NBN: variants seen among roughly 807,000 people sequenced by gnomAD.
NBN encodes nibrin.
Under a neutral mutation model 90.8 loss-of-function variants are expected in NBN, and 88 were observed. That is an observed-to-expected ratio of 0.97 (90% CI 0.82 to 1.16). NBN has a LOEUF of 1.16. Among genes scored for constraint, NBN ranks in the 50% most tolerant of loss-of-function variants. The pLI is 0.00. For missense variants in NBN, 894 were observed against 869.6 expected (o/e 1.03, Z -0.35); for synonymous variants, 328 against 295.1 (o/e 1.11, Z -1.14).
chr8:89,940,980 A>G (rs7813347), intron 14 of NBN, among the ~76,000 whole-genome samples: 1,641 of 152,306 alleles, frequency 0.011, 30 homozygotes, highest in African/African-American at 0.036. Context: ...GCCTAAGGTC[A>G]CATACTTGGT....
chr8:89,965,407 A>G (rs13312888), intron 7 of NBN, among the ~76,000 whole-genome samples: 44 of 152,226 alleles, frequency 2.9e-4, no homozygotes, highest in Non-Finnish European at 6.0e-4. Context: ...AAAAACAAAA[A>G]TACACCATTT....
intron 4 of NBN, among the ~76,000 whole-genome samples, chr8:89,980,427 G>A (rs1320065209): frequency 6.6e-6 from 1 of 151,870 alleles, no homozygotes; most frequent in Admixed American, 6.6e-5. Context: ...GTTGCTTTAA[G>A]ACTGAAAACA....
chr8:89,960,369 G>A (rs909995490), intron 8 of NBN, among the ~76,000 whole-genome samples: 18 of 152,194 alleles, frequency 1.2e-4, no homozygotes, highest in African/African-American at 4.1e-4. Context: ...ATAATTTAAT[G>A]TAGGCTCGGT....
Position 89,953,549 on chromosome 8 carries a change from C to T in NBN, c.1540G>A (p.Val514Met), listed in dbSNP as rs2129701484. 6.2e-7 allele frequency: 1 copy of T among 1,613,840 alleles called. No individual in the cohort carries two copies. Among genetic ancestry groups the T allele is most frequent in the South Asian group, 1.1e-5 (1 of 91,072 alleles). The change falls in exon 11 of 16, where the codon GTG becomes ATG. Residue 514 changes from valine to methionine, a missense_variant. Transcript: ENST00000265433. ...KEQHLSENEP[V>M]DTNSDNNLFT... ...AAGTTATTGTCTGAGTTTGTGTCCA[C>T]AGGCTCATTCTCAGATAGATGCTGC...
intron 3 of NBN, among the ~76,000 whole-genome samples, chr8:89,981,117 A>T (rs73696850): frequency 2.0e-5 from 3 of 152,154 alleles, no homozygotes; most frequent in Non-Finnish European, 4.4e-5. Flanking sequence ...AAAAACAATG[A>T]CCAAAAGTTA....
intron 4 of NBN, among the ~76,000 whole-genome samples, chr8:89,980,100 A>G (rs13312860): frequency 0.023 from 3,444 of 152,330 alleles, 127 homozygotes; most frequent in African/African-American, 0.077. Flanking sequence ...ATGTGCAAAA[A>G]TAAAAAAACC....
rs1805824 is a variant in NBN, at chr8:89,964,678, G to A, written c.897-171C>T. 7,792 of 193,106 alleles carry A rather than the reference G, an allele frequency of 0.04. 303 individuals carry two copies. The highest frequency in any genetic ancestry group is 0.19 in the East Asian group (995 of 5,324). 12.0% of individuals were successfully genotyped at this position (193,106 alleles called of 1,614,324 possible). ...AGCTTACTCGCTGGGGCACTGTTAC[G>A]TTGACAAGTCTACCATCTTTTAGTA... On this transcript the variant is annotated intron_variant, in intron 7 of 15. Coordinates refer to ENST00000265433, the MANE Select transcript of NBN (RefSeq NM_002485.5).
intron 5 of NBN, 82 bp from the exon 6 acceptor site, chr8:89,971,372 T>A (rs1425541279): frequency 1.4e-6 from 2 of 1,443,202 alleles, no homozygotes; most frequent in East Asian, 5.2e-5. Flanking sequence ...TATCTGACAC[T>A]CAAAAGGCAT....
chr8:89,982,415 C>A, intron 2 of NBN: 1 of 395,572 alleles, frequency 2.5e-6, no homozygotes, highest in Non-Finnish European at 4.7e-6. Context: ...ATTACTTTTG[C>A]ACCAAACTAA....
intron 11 of NBN, among the ~76,000 whole-genome samples, chr8:89,948,365 G>A (rs1439727451): frequency 6.6e-6 from 1 of 152,004 alleles, no homozygotes; most frequent in Non-Finnish European, 1.5e-5. Flanking sequence ...AATCAAAAAA[G>A]AAACATTTTA....
intron 11 of NBN, among the ~76,000 whole-genome samples, chr8:89,948,299 C>G (rs1810289827): frequency 6.6e-6 from 1 of 152,166 alleles, no homozygotes; most frequent in Non-Finnish European, 1.5e-5. Flanking sequence ...GTAGGATTAT[C>G]AACAAACTGT....
At chr8:89,949,857 T>TA (rs1810362289) in intron 11 of NBN, among the ~76,000 whole-genome samples, 1 of 152,116 alleles carries the variant, frequency 6.6e-6, no homozygotes. Flanking sequence ...CTTCTGTAGC[T>TA]AAAAAAATTA....
intron 14 of NBN, among the ~76,000 whole-genome samples, chr8:89,938,656 T>G (rs1266892970): frequency 1.3e-5 from 2 of 152,210 alleles, no homozygotes; most frequent in African/African-American, 4.8e-5. Flanking sequence ...GAGCACCAGC[T>G]CTTAACGAGG....
At chr8:89,957,093 CTCCT>C (rs945471246) in intron 9 of NBN, among the ~76,000 whole-genome samples, 1 of 152,076 alleles carries the variant, frequency 6.6e-6, no homozygotes, top group Admixed American at 6.5e-5. Flanking sequence ...TTAGAATGTA[CTCCT>C]TCTTATAAAA....
At chr8:89,936,771 C>T (rs143113253) in intron 15 of NBN, among the ~76,000 whole-genome samples, 3 of 152,316 alleles carry the variant, frequency 2.0e-5, no homozygotes, top group East Asian at 3.9e-4. Context: ...CAATTTCACA[C>T]AATTCGGGAA....
intron 11 of NBN, among the ~76,000 whole-genome samples, chr8:89,952,200 G>A (rs1810475670): frequency 6.6e-6 from 1 of 152,164 alleles, no homozygotes; most frequent in Non-Finnish European, 1.5e-5. Context: ...TTTTACGGAA[G>A]CCACTGATTT....
chr8:89,972,664 C>A (rs1318274823), intron 5 of NBN, among the ~76,000 whole-genome samples: 1 of 152,162 alleles, frequency 6.6e-6, no homozygotes, highest in Non-Finnish European at 1.5e-5. Context: ...TCCCCCATAA[C>A]TTATACTTCT....
chr8:89,957,428 T>C (rs554467669), intron 9 of NBN, among the ~76,000 whole-genome samples: 1 of 152,376 alleles, frequency 6.6e-6, no homozygotes, highest in South Asian at 2.1e-4. Flanking sequence ...CTAGGTATTA[T>C]TAAAGTTTAC....
intron 13 of NBN, among the ~76,000 whole-genome samples, chr8:89,945,615 T>A (rs1164904333): frequency 6.6e-6 from 1 of 152,200 alleles, no homozygotes; most frequent in Non-Finnish European, 1.5e-5. Flanking sequence ...GAATACCTAC[T>A]GGATAGAAGT....
Sources: allele counts gnomAD v4.1 joint callset (sites outside exome capture counted in the v4.1 genomes callset), GRCh38; gene constraint gnomAD v4.1.1; transcripts MANE v1.5; gene names NCBI Gene and HGNC (gene_info 2026-07-23, HGNC 2026-07-21).